The following GRM8 variants were observed in gnomAD, a reference collection of about 807,000 sequenced individuals.
GRM8 encodes the protein metabotropic glutamate receptor 8.
Under a neutral mutation model 87.2 loss-of-function variants are expected in GRM8, and 47 were observed. The ratio of observed to expected loss-of-function variants is 0.54; its 90% CI spans 0.43 to 0.69. The LOEUF (loss-of-function observed/expected upper bound fraction) is 0.69, where lower values mean the gene tolerates loss of function less well. Ranked by LOEUF, GRM8 falls within the 30% of genes least tolerant of loss-of-function variation. The pLI, the probability that GRM8 is intolerant of heterozygous loss-of-function variation, is 0.00. For synonymous variants in GRM8, 396 were observed against 404.5 expected (o/e 0.98, Z 0.25); for missense variants, 1,019 against 1,139.2 (o/e 0.89, Z 1.52).
intron 8 of GRM8, among the ~76,000 whole-genome samples, chr7:126,534,922 T>C (rs999651174): frequency 4.6e-5 from 7 of 151,996 alleles, no homozygotes; most frequent in South Asian, 4.2e-4. Flanking sequence ...TCGATACATA[T>C]TTGTTGAATT....
intron 9 of GRM8, among the ~76,000 whole-genome samples, chr7:126,449,994 T>C (rs1386930975): frequency 6.6e-6 from 1 of 151,758 alleles, no homozygotes; most frequent in Non-Finnish European, 1.5e-5. Context: ...CTGAAGCAGA[T>C]TTAAGCAATC....
intron 9 of GRM8, among the ~76,000 whole-genome samples, chr7:126,481,303 T>C (rs1285631572): frequency 1.3e-5 from 2 of 152,096 alleles, no homozygotes; most frequent in East Asian, 3.9e-4. Flanking sequence ...TTAGTGGATA[T>C]GTTTTAAGAA....
At chr7:126,670,050 A>G (rs1806222365) in intron 7 of GRM8, among the ~76,000 whole-genome samples, 1 of 152,232 alleles carries the variant, frequency 6.6e-6, no homozygotes. Context: ...TTAAAATGCT[A>G]ATCTGCTCCT....
intron 7 of GRM8, among the ~76,000 whole-genome samples, chr7:126,688,931 A>C (rs1280851206): frequency 2.6e-5 from 4 of 152,142 alleles, no homozygotes; most frequent in African/African-American, 9.7e-5. Flanking sequence ...ACAGTGCTTT[A>C]TTCACCCGCA....
intron 4 of GRM8, 145 bp downstream of exon 4, chr7:126,904,403 T>C: frequency 1.3e-6 from 1 of 788,224 alleles, no homozygotes; most frequent in Non-Finnish European, 2.0e-6. Flanking sequence ...CAAGTTTTAC[T>C]CTGTAGGTAT....
At chr7:126,835,816 G>A (rs887962441) in intron 6 of GRM8, among the ~76,000 whole-genome samples, 3 of 152,138 alleles carry the variant, frequency 2.0e-5, no homozygotes, top group Non-Finnish European at 4.4e-5. Context: ...AGAAGTGTAG[G>A]TTGTTTTCAA....
intron 2 of GRM8, among the ~76,000 whole-genome samples, chr7:127,205,713 T>G (rs1424564172): frequency 6.6e-6 from 1 of 152,156 alleles, no homozygotes; most frequent in African/African-American, 2.4e-5. Context: ...CCTGCTAATA[T>G]TACAGTTGGT....
intron 2 of GRM8, among the ~76,000 whole-genome samples, chr7:127,156,562 C>A (rs576801801): frequency 6.6e-6 from 1 of 152,116 alleles, no homozygotes; most frequent in African/African-American, 2.4e-5. Context: ...TGGGGCACTC[C>A]ATCACCCTCC....
At chr7:127,038,669 A>G (rs1291011710) in intron 3 of GRM8, among the ~76,000 whole-genome samples, 1 of 152,210 alleles carries the variant, frequency 6.6e-6, no homozygotes, top group Non-Finnish European at 1.5e-5. Flanking sequence ...AAAGCTACCT[A>G]TAAAACTTTA....
intron 2 of GRM8, among the ~76,000 whole-genome samples, chr7:127,177,161 G>T (rs371526565): frequency 6.6e-5 from 10 of 152,240 alleles, no homozygotes; most frequent in African/African-American, 2.4e-4. Flanking sequence ...TACTGGGGGT[G>T]GGGGCACAGT....
intron 3 of GRM8, among the ~76,000 whole-genome samples, chr7:127,098,097 C>T (rs1036540792): frequency 1.3e-5 from 2 of 152,156 alleles, no homozygotes; most frequent in Non-Finnish European, 2.9e-5. Flanking sequence ...CCTGCAGTTC[C>T]AATTTGCAAT....
At chr7:126,871,960 C>T (rs1422135453) in intron 6 of GRM8, among the ~76,000 whole-genome samples, 2 of 152,150 alleles carry the variant, frequency 1.3e-5, no homozygotes, top group Admixed American at 6.5e-5. Flanking sequence ...AGATGTCTTA[C>T]GTTTGCCGGT....
At chr7:126,606,517 G>A (rs1346725364) in intron 8 of GRM8, among the ~76,000 whole-genome samples, 4 of 152,090 alleles carry the variant, frequency 2.6e-5, no homozygotes, top group African/African-American at 4.8e-5. Context: ...ACATTAACAA[G>A]TTGGTAGCTT....
At chr7:126,883,466 C>T (rs1452274875) in intron 6 of GRM8, among the ~76,000 whole-genome samples, 3 of 152,070 alleles carry the variant, frequency 2.0e-5, no homozygotes, top group Non-Finnish European at 2.9e-5. Context: ...TTCTTTGTCC[C>T]TTTTGTAAGT....
intron 1 of GRM8, among the ~76,000 whole-genome samples, chr7:127,244,313 T>C (rs896326538): frequency 2.6e-5 from 4 of 152,218 alleles, no homozygotes; most frequent in Middle Eastern, 3.2e-3. Context: ...GTCAATCAAT[T>C]GAAGAGCTGC....
chr7:127,005,828 T>C (rs1391174878), intron 3 of GRM8, among the ~76,000 whole-genome samples: 5 of 151,858 alleles, frequency 3.3e-5, no homozygotes, highest in African/African-American at 1.2e-4. Context: ...AAAACATTCA[T>C]TTGAATTAAC....
rs751847809 is a variant in GRM8, at chr7:126,533,182, C to G, written c.2200G>C (p.Glu734Gln). 1.2e-6 allele frequency: 2 copies of G among 1,612,908 alleles called. No homozygotes were observed. The highest frequency in any genetic ancestry group is 1.1e-5 in the South Asian group (1 of 90,974). The part of the protein sequence containing the change: ...DYGEQRTLDP[E>Q]KARGVLKCDI... ...CACTTGAGCACTCCCCTGGCCTTCT[C>G]TGGATCTAGTGTCCGCTGCTCTCCA... The change falls in exon 9 of 11, where the codon GAG (glutamate) becomes CAG (glutamine). Residue 734 changes from glutamate to glutamine, a missense_variant. Physicochemically the swap from Glu to Gln is conservative, Grantham distance 29 (BLOSUM62 2). Coordinates refer to ENST00000339582, the MANE Select transcript of GRM8 (RefSeq NM_000845.3).
At chr7:126,821,468 G>A (rs1794293841) in intron 6 of GRM8, among the ~76,000 whole-genome samples, 1 of 152,120 alleles carries the variant, frequency 6.6e-6, no homozygotes, top group South Asian at 2.1e-4. Flanking sequence ...CCATAGTATA[G>A]TTACGAACAG....
At chr7:126,917,247 A>C (rs1804003825) in intron 3 of GRM8, among the ~76,000 whole-genome samples, 1 of 152,114 alleles carries the variant, frequency 6.6e-6, no homozygotes, top group Non-Finnish European at 1.5e-5. Flanking sequence ...AAGTGCTGGG[A>C]TTACAGGTGG....
Sources: allele counts gnomAD v4.1 joint callset (sites outside exome capture counted in the v4.1 genomes callset), GRCh38; gene constraint gnomAD v4.1.1; transcripts MANE v1.5; gene names NCBI Gene and HGNC (gene_info 2026-07-23, HGNC 2026-07-21).